The following PLEKHA7 variants were observed in gnomAD, a reference collection of about 807,000 sequenced individuals.
PLEKHA7 encodes the protein pleckstrin homology domain containing A7.
A neutral mutation model predicts 170.0 loss-of-function variants in PLEKHA7; 104 were observed. That is an observed-to-expected ratio of 0.61 (90% CI 0.52 to 0.72). PLEKHA7 has a LOEUF of 0.72. Ranked by LOEUF, PLEKHA7 falls within the 30% of genes least tolerant of loss-of-function variation. The pLI, the probability that PLEKHA7 is intolerant of heterozygous loss-of-function variation, is 0.00. For synonymous variants in PLEKHA7, 648 were observed against 660.8 expected, an observed-to-expected ratio of 0.98 and a Z score of 0.30; for missense variants, 1,615 against 1,671.7, an observed-to-expected ratio of 0.97 and a Z score of 0.59.
At chr11:16,840,633 G>A (rs546615936) in intron 9 of PLEKHA7, among the ~76,000 whole-genome samples, 1 of 152,272 alleles carries the variant, frequency 6.6e-6, no homozygotes, top group East Asian at 1.9e-4. Context: ...AAAGTAGACA[G>A]AAGGGGGAAA....
At chr11:16,838,182 T>C (rs772872581) in intron 9 of PLEKHA7, among the ~76,000 whole-genome samples, 2 of 152,120 alleles carry the variant, frequency 1.3e-5, no homozygotes, top group Admixed American at 6.5e-5. Context: ...GGGCAGAGGA[T>C]AGATACAGGC....
intron 4 of PLEKHA7, among the ~76,000 whole-genome samples, chr11:16,861,794 T>C (rs1286050016): frequency 6.7e-6 from 1 of 150,340 alleles, no homozygotes; most frequent in Non-Finnish European, 1.5e-5. Context: ...TCATGCTCTG[T>C]CCTCAAGGAA....
Position 16,791,137 on chromosome 11 carries a change from C to T in PLEKHA7, c.2808G>A (p.Pro936=), listed in dbSNP as rs752069898. 10 of 1,613,718 alleles carry T rather than the reference C, an allele frequency of 6.2e-6. No individual in the cohort carries two copies. Among genetic ancestry groups the T allele is most frequent in the African/African-American group, 1.3e-5 (1 of 74,910 alleles). The change falls in exon 20 of 27, where the codon CCG becomes CCA. Residue 936 remains proline, a synonymous_variant. Coordinates refer to ENST00000531066, the MANE Select transcript of PLEKHA7 (RefSeq NM_001329630.2). The surrounding 1 kb of genome is among the most constrained non-coding windows in gnomAD (Gnocchi z 4.5). ...PELYSPEDQP[P]AVPPLPREAT... ...CCTCTCTTGGCAGAGGCGGCACAGC[C>T]GGGGGCTGGTCCTCTGGGCTGTAGA... is the stretch of plus-strand genomic sequence containing the variant.
chr11:16,839,160 CAT>C (rs1181645019), intron 9 of PLEKHA7, among the ~76,000 whole-genome samples: 2 of 151,976 alleles, frequency 1.3e-5, no homozygotes, highest in Non-Finnish European at 2.9e-5. Flanking sequence ...TATGAAATAC[CAT>C]ATGAGTAAAA....
At chr11:16,910,178 G>A (rs1002676452) in intron 3 of PLEKHA7, among the ~76,000 whole-genome samples, 1 of 152,166 alleles carries the variant, frequency 6.6e-6, no homozygotes, top group Non-Finnish European at 1.5e-5. Flanking sequence ...TATGAGTAAT[G>A]TTTTATAAAC....
intron 5 of PLEKHA7, 40 bp downstream of exon 5, chr11:16,855,763 T>C (rs750494860): frequency 1.2e-5 from 17 of 1,471,802 alleles, no homozygotes; most frequent in South Asian, 2.4e-5. Context: ...TGGCAAAATA[T>C]AAAAGAAGGG....
At chr11:16,958,075 G>A (rs190927271) in intron 3 of PLEKHA7, among the ~76,000 whole-genome samples, 3 of 152,140 alleles carry the variant, frequency 2.0e-5, no homozygotes, top group East Asian at 2.0e-4. Flanking sequence ...CAGCACTTTC[G>A]GAGGCCAAGG....
chr11:16,778,796 T>C lies in PLEKHA7; in HGVS notation c.*202A>G. 1 of 603,868 alleles carries C rather than the reference T, an allele frequency of 1.7e-6. No homozygotes were observed. Among genetic ancestry groups the C allele is most frequent in the Non-Finnish European group, 3.0e-6 (1 of 337,550 alleles). 37.4% of individuals were successfully genotyped at this position (603,868 alleles called of 1,614,324 possible). A position where few individuals can be genotyped will look rare whatever the true frequency, so the allele number is the denominator to read the frequency against. ...ATCAAAAGTGCCTTTGCCATTCATA[T>C]GTAGAGAGGAGTCTGAGCTAAACTA... is the stretch of plus-strand genomic sequence containing the variant. On this transcript the variant is annotated 3_prime_UTR_variant, in exon 27 of 27. Transcript: ENST00000531066.
At chr11:16,839,884 A>C (rs1851816202) in intron 9 of PLEKHA7, among the ~76,000 whole-genome samples, 1 of 152,172 alleles carries the variant, frequency 6.6e-6, no homozygotes, top group South Asian at 2.1e-4. Flanking sequence ...AAAAATAAAG[A>C]CCAGGAAACA....
intron 26 of PLEKHA7, 75 bp downstream of exon 26, chr11:16,782,679 C>T (rs1486013682): frequency 6.7e-7 from 1 of 1,503,696 alleles, no homozygotes; most frequent in African/African-American, 1.4e-5. Flanking sequence ...GGCTCTGGAA[C>T]AGGCCATGCT....
intron 9 of PLEKHA7, among the ~76,000 whole-genome samples, chr11:16,834,258 G>A (rs1851342015): frequency 6.6e-6 from 1 of 150,994 alleles, no homozygotes; most frequent in African/African-American, 2.4e-5. Flanking sequence ...CGCCTGCCTA[G>A]GCCTCCCAAA....
chr11:17,010,503 G>A (rs1218652129), intron 3 of PLEKHA7, among the ~76,000 whole-genome samples: 2 of 152,218 alleles, frequency 1.3e-5, no homozygotes, highest in Non-Finnish European at 2.9e-5. Flanking sequence ...CTACTTGGGA[G>A]GCTGAAGTGA....
intron 3 of PLEKHA7, among the ~76,000 whole-genome samples, chr11:16,889,715 T>C (rs1276913331): frequency 6.6e-6 from 1 of 152,078 alleles, no homozygotes; most frequent in East Asian, 1.9e-4. Flanking sequence ...GAAGAAAATA[T>C]ATGGAAAACC....
chr11:16,939,915 C>A lies in PLEKHA7; in HGVS notation c.222-68733G>T, dbSNP rs559535963. ...GAGCTCTCTGGGCAGAGGTAACAGACCAGCTGCATTTCACTGACCCCTAGA... is the reference window on the plus strand; with the variant it reads ...GAGCTCTCTGGGCAGAGGTAACAGAACAGCTGCATTTCACTGACCCCTAGA... On this transcript the variant is annotated intron_variant, in intron 3 of 26. Transcript: ENST00000531066. Among the ~76,000 whole-genome samples the A allele has an allele frequency of 2.0e-5, 3 of 152,254 alleles. No individual in the cohort carries two copies. In the South Asian group the frequency reaches 6.2e-4, roughly 32 times the overall value.
At chr11:16,813,695 C>T (rs937298189) in intron 12 of PLEKHA7, among the ~76,000 whole-genome samples, 4 of 152,148 alleles carry the variant, frequency 2.6e-5, no homozygotes, top group South Asian at 4.1e-4. Flanking sequence ...ATGATAACCA[C>T]CAGCAACTGC....
At chr11:16,800,720 C>T (rs1037553604) in intron 17 of PLEKHA7, among the ~76,000 whole-genome samples, 2 of 152,152 alleles carry the variant, frequency 1.3e-5, no homozygotes, top group Non-Finnish European at 2.9e-5. Context: ...CTTTCTAAAA[C>T]ACCCAAGAGC....
intron 4 of PLEKHA7, among the ~76,000 whole-genome samples, chr11:16,865,729 T>A (rs1485143288): frequency 1.3e-5 from 2 of 152,062 alleles, no homozygotes; most frequent in African/African-American, 4.8e-5. Flanking sequence ...ACTCTAGTCA[T>A]ACAGCAAAAG....
At chr11:16,805,995 C>A (rs1848958034) in intron 13 of PLEKHA7, among the ~76,000 whole-genome samples, 1 of 152,158 alleles carries the variant, frequency 6.6e-6, no homozygotes. Flanking sequence ...CATTAGAGTA[C>A]AATGTTCCGT....
At chr11:16,892,043 C>T (rs756396970) in intron 3 of PLEKHA7, among the ~76,000 whole-genome samples, 2 of 152,196 alleles carry the variant, frequency 1.3e-5, no homozygotes, top group Non-Finnish European at 2.9e-5. Flanking sequence ...GAACATCACA[C>T]TGGCCAACTG....
Sources: gnomAD v4.1 joint callset for allele counts (sites outside exome capture counted in the v4.1 genomes callset) on GRCh38, gnomAD v4.1.1 for gene constraint, Gnocchi (gnomAD v3.1) non-coding constraint, MANE v1.5 for transcripts, NCBI Gene and HGNC (gene_info 2026-07-23, HGNC 2026-07-21) for gene names.